CTNNA2: variants seen among roughly 807,000 people sequenced by gnomAD.
CTNNA2 encodes catenin alpha 2, also known as catenin alpha-2.
A neutral mutation model predicts 101.0 loss-of-function variants in CTNNA2; 42 were observed. The ratio of observed to expected loss-of-function variants is 0.42; its 90% confidence interval spans 0.32 to 0.54. The LOEUF (loss-of-function observed/expected upper bound fraction) is 0.54. Ranked by LOEUF, CTNNA2 falls within the 20% of genes least tolerant of loss-of-function variation. The pLI, the probability that CTNNA2 is intolerant of heterozygous loss-of-function variation, is 0.14. For missense variants in CTNNA2, 871 were observed against 1,223.1 expected, an observed-to-expected ratio of 0.71 and a Z score of 4.29; for synonymous variants, 450 against 456.4, an observed-to-expected ratio of 0.99 and a Z score of 0.18.
intron 9 of CTNNA2, among the ~76,000 whole-genome samples, chr2:80,480,409 G>A (rs538735698): frequency 2.0e-5 from 3 of 152,184 alleles, no homozygotes; most frequent in East Asian, 3.9e-4. Flanking sequence ...TAACAGACAT[G>A]AAATTAGTGT....
chr2:80,638,732 A>C (rs1305359567), intron 18 of CTNNA2, among the ~76,000 whole-genome samples: 1 of 152,378 alleles, frequency 6.6e-6, no homozygotes, highest in East Asian at 1.9e-4. Flanking sequence ...TTACTTACCC[A>C]TAATTGAAAA....
In CTNNA2 at chr2:80,134,733, G is replaced by T. The variant is rs557424378; in HGVS notation, c.1056+224936G>T. Among the ~76,000 whole-genome samples the T allele has an allele frequency of 8.4e-4, 128 of 152,284 alleles. 1 individual carries two copies. The highest frequency in any genetic ancestry group is 4.3e-4 in the African/African-American group (18 of 41,568). ...CCGGTTGTGCTTCAAAGCCGTTATT[G>T]TGTCACTTGCTCTGGGCTTGAAATT... On this transcript the variant is annotated intron_variant, in intron 7 of 18. Coordinates refer to ENST00000402739, the MANE Select transcript of CTNNA2 (RefSeq NM_001282597.3).
At chr2:80,369,425 G>A (rs939253718) in intron 7 of CTNNA2, among the ~76,000 whole-genome samples, 2 of 152,044 alleles carry the variant, frequency 1.3e-5, no homozygotes, top group African/African-American at 4.8e-5. Context: ...GCTCACCCAA[G>A]CATGCAAGAA....
At chr2:79,228,869 A>AT (rs1181507671) in intron 2 of CTNNA2, among the ~76,000 whole-genome samples, 3 of 151,938 alleles carry the variant, frequency 2.0e-5, no homozygotes, top group Admixed American at 6.6e-5. Context: ...TCCTTCTAGG[A>AT]TTTTTTTATA....
At chr2:80,147,226 A>C (rs1045180304) in intron 7 of CTNNA2, among the ~76,000 whole-genome samples, 1 of 152,082 alleles carries the variant, frequency 6.6e-6, no homozygotes, top group Non-Finnish European at 1.5e-5. Context: ...TTGGCTTCCC[A>C]AAGTGCTGGG....
intron 7 of CTNNA2, among the ~76,000 whole-genome samples, chr2:80,253,019 C>T (rs1434529306): frequency 6.6e-6 from 1 of 150,658 alleles, no homozygotes. Context: ...ATCTGTTTTC[C>T]CCCTTACTTT....
intron 5 of CTNNA2, 32 bp from the exon 6 acceptor site, chr2:79,874,044 T>C (rs780776244): frequency 6.2e-7 from 1 of 1,608,414 alleles, no homozygotes; most frequent in Admixed American, 1.7e-5. Flanking sequence ...AAATTTCATG[T>C]GTGTGACAGC....
chr2:80,425,306 T>G (rs1680897322), intron 9 of CTNNA2, among the ~76,000 whole-genome samples: 1 of 152,192 alleles, frequency 6.6e-6, no homozygotes, highest in Non-Finnish European at 1.5e-5. Flanking sequence ...TAGATAAGTT[T>G]ATGGTGTTTT....
intron 7 of CTNNA2, among the ~76,000 whole-genome samples, chr2:80,086,329 A>G (rs1163426735): frequency 2.0e-5 from 3 of 152,124 alleles, no homozygotes; most frequent in Non-Finnish European, 4.4e-5. Flanking sequence ...CTAAATAACC[A>G]AAGGCCACAC....
intron 4 of CTNNA2, among the ~76,000 whole-genome samples, chr2:79,409,200 C>T (rs1678378466): frequency 6.6e-6 from 1 of 152,062 alleles, no homozygotes; most frequent in Admixed American, 6.6e-5. Flanking sequence ...TGGATATTAG[C>T]CCTTTGTCAG....
At chr2:79,443,666 AAC>A (rs1239881924) in intron 4 of CTNNA2, among the ~76,000 whole-genome samples, 8 of 152,118 alleles carry the variant, frequency 5.3e-5, no homozygotes, top group African/African-American at 1.9e-4. Context: ...TCTGTTGTCT[AAC>A]ACAGTTATTT....
chr2:79,497,692 C>A (rs1671273411), intron 4 of CTNNA2, among the ~76,000 whole-genome samples: 1 of 152,272 alleles, frequency 6.6e-6, no homozygotes, highest in East Asian at 1.9e-4. Flanking sequence ...CTCAGGTAGT[C>A]CAAACAGTAC....
chr2:80,042,747 T>C (rs2104279847), intron 7 of CTNNA2, among the ~76,000 whole-genome samples: 1 of 152,288 alleles, frequency 6.6e-6, no homozygotes, highest in South Asian at 2.1e-4. Context: ...TTAGAGGGAT[T>C]TGTGATATGC....
chr2:80,574,174 T>C lies in CTNNA2; in HGVS notation c.1753T>C (p.Phe585Leu). Residue 585 changes from phenylalanine to leucine, a missense_variant, in exon 13 of 19, where the codon TTC becomes CTC. By Grantham distance (22) the Phe-to-Leu change is conservative (BLOSUM62 0). This residue lies in a region of CTNNA2 where 647 missense variants were observed against 831.5 expected (regional missense o/e 0.78). Transcript: ENST00000402739. ...KLLSETVMPR[F>L]AEQVEVAIEA... ...TATTTTTAACCCAGTGATGCCACGC[T>C]TCGCTGAACAAGTAGAGGTTGCCAT... 1 of 1,612,048 alleles carries C rather than the reference T, an allele frequency of 6.2e-7. No homozygotes were observed. The highest frequency in any genetic ancestry group is 8.5e-7 in the Non-Finnish European group (1 of 1,178,756).
At chr2:79,668,246 C>CAAAAAAAAAAAA (rs34348942) in intron 2 of CTNNA2, among the ~76,000 whole-genome samples, 1 of 69,310 alleles carries the variant, frequency 1.4e-5, no homozygotes, top group Non-Finnish European at 2.9e-5. Context: ...GACTCCGTCT[C>CAAAAAAAAAAAA]AAAAAAAAAA....
intron 4 of CTNNA2, among the ~76,000 whole-genome samples, chr2:79,413,021 C>T (rs969403070): frequency 3.3e-5 from 5 of 152,044 alleles, no homozygotes; most frequent in Non-Finnish European, 7.4e-5. Context: ...GAGCTAAAAA[C>T]TCTTAATTTG....
intron 4 of CTNNA2, among the ~76,000 whole-genome samples, chr2:79,860,744 G>A (rs529277713): frequency 6.6e-6 from 1 of 152,132 alleles, no homozygotes; most frequent in African/African-American, 2.4e-5. Context: ...AGCAAGTGAG[G>A]AACTACAGTT....
At chr2:80,409,002 A>G (rs922714556) in intron 8 of CTNNA2, among the ~76,000 whole-genome samples, 14 of 152,176 alleles carry the variant, frequency 9.2e-5, no homozygotes, top group Admixed American at 7.9e-4. Flanking sequence ...TGTCTAGGAA[A>G]GTTCTCTGCA....
At chr2:79,687,646 G>A (rs1573681570) in intron 2 of CTNNA2, 1 of 659,596 alleles carries the variant, frequency 1.5e-6, no homozygotes, top group Non-Finnish European at 2.8e-6. Context: ...AAGGATACCT[G>A]TTGAATTGGG....
Sources: gnomAD v4.1 joint callset for allele counts (sites outside exome capture counted in the v4.1 genomes callset) on GRCh38, gnomAD v4.1.1 for gene constraint, gnomAD v4.1.1 regional missense constraint, MANE v1.5 for transcripts, NCBI Gene and HGNC (gene_info 2026-07-23, HGNC 2026-07-21) for gene names.